The following WNT6 variants were observed in gnomAD, a reference collection of about 807,000 sequenced individuals.
The protein encoded by WNT6 is protein Wnt-6.
A neutral mutation model predicts 33.1 loss-of-function variants in WNT6; 27 were observed. The ratio of observed to expected loss-of-function variants is 0.82; its 90% CI spans 0.60 to 1.12. The LOEUF is 1.12. WNT6 is among the 50% of genes most tolerant of loss of function. WNT6 has a pLI of 0.00. For synonymous variants in WNT6, 249 were observed against 242.8 expected (o/e 1.03, Z -0.24); for missense variants, 494 against 535.3 (o/e 0.92, Z 0.76).
At chr2:218,864,653 C>G (rs1307364962) in intron 1 of WNT6, among the ~76,000 whole-genome samples, 1 of 152,174 alleles carries the variant, frequency 6.6e-6, no homozygotes, top group East Asian at 1.9e-4. Flanking sequence ...TTCCCCCATC[C>G]CATCTTGTCT....
chr2:218,873,422 C>A lies in WNT6; in HGVS notation c.675C>A (p.His225Gln). Reference sequence around the variant, plus strand: ...ACACGCGCACCGAGTGCAAATGCCACGGGCTGTCGGGATCATGCGCGCTGC... The same window carrying A: ...ACACGCGCACCGAGTGCAAATGCCAAGGGCTGTCGGGATCATGCGCGCTGC... ...RSHTRTECKCHGLSGSCALRT... is the reference protein window; with the variant it reads ...RSHTRTECKCQGLSGSCALRT... Residue 225 changes from histidine to glutamine, a missense_variant, in exon 4 of 4, where the codon CAC becomes CAA. Coordinates refer to ENST00000233948, the MANE Select transcript of WNT6 (RefSeq NM_006522.4). This position sits in a 1 kb window ranked among gnomAD's most constrained non-coding sequence, Gnocchi z 6.1. 4 of 1,537,618 alleles carry A rather than the reference C, an allele frequency of 2.6e-6. No individual in the cohort carries two copies. The highest frequency in any genetic ancestry group is 3.5e-6 in the Non-Finnish European group (4 of 1,146,598).
rs749048266 is a variant in WNT6, at chr2:218,871,827, C to T, written c.636+8C>T. ...AACGAGGCGGGCAGGCTGGTGCGTA[C>T]GGGCAGGATGGAGTGAGTGTGTGCG... On this transcript the variant is annotated splice_region_variant and intron_variant, in intron 3 of 3. Coordinates refer to ENST00000233948, the MANE Select transcript of WNT6 (RefSeq NM_006522.4). The surrounding 1 kb of genome is among the most constrained non-coding windows in gnomAD (Gnocchi z 6.4). 3.8e-6 allele frequency: 6 copies of T among 1,574,836 alleles called. No homozygotes were observed. The highest frequency in any genetic ancestry group is 3.4e-5 in the South Asian group (3 of 87,110).
chr2:218,860,065 G>A lies in WNT6; in HGVS notation c.28G>A (p.Gly10Arg). MLPPLPSRLGLLLLLLLCPA... is the reference protein window; with the variant it reads MLPPLPSRLRLLLLLLLCPA... ...GCTGCCGCCCTTACCCTCCCGCCTC[G>A]GGCTGCTGCTGCTGCTGCTCCTGTG... The change falls in exon 1 of 4, where the codon GGG (glycine) becomes AGG (arginine). Residue 10 changes from glycine to arginine, a missense_variant. Transcript: ENST00000233948. 1 of 1,522,032 alleles carries A rather than the reference G, an allele frequency of 6.6e-7. No homozygotes were observed. The highest frequency in any genetic ancestry group is 8.8e-7 in the Non-Finnish European group (1 of 1,140,234). 94.3% of individuals were successfully genotyped at this position (1,522,032 alleles called of 1,614,324 possible). A position where few individuals can be genotyped will look rare whatever the true frequency, so the allele number is the denominator to read the frequency against.
chr2:218,871,160 G>C lies in WNT6; in HGVS notation c.214G>C (p.Gly72Arg). The change falls in exon 2 of 4, where the codon GGG (glycine) becomes CGG (arginine). Residue 72 changes from glycine to arginine, a missense_variant. Coordinates refer to ENST00000233948, the MANE Select transcript of WNT6 (RefSeq NM_006522.4). The surrounding 1 kb of genome is among the most constrained non-coding windows in gnomAD (Gnocchi z 6.4). ...AGAGCTAGCTCGGGGCGCCCGGCTC[G>C]GGGTGCGAGAGTGCCAGTTCCAGTT... ...VAELARGARLGVRECQFQFRF... is the reference protein window; with the variant it reads ...VAELARGARLRVRECQFQFRF... 1 of 1,613,748 alleles carries C rather than the reference G, an allele frequency of 6.2e-7. No individual in the cohort carries two copies. Among genetic ancestry groups the C allele is most frequent in the Non-Finnish European group, 8.5e-7 (1 of 1,179,946 alleles).
intron 1 of WNT6, among the ~76,000 whole-genome samples, chr2:218,866,545 G>A (rs543320764): frequency 2.6e-5 from 4 of 152,192 alleles, no homozygotes; most frequent in Non-Finnish European, 5.9e-5. Flanking sequence ...TAAGGGTGTG[G>A]TGGGAAGACA....
At chr2:218,861,735 C>A (rs899424048) in intron 1 of WNT6, among the ~76,000 whole-genome samples, 31 of 152,184 alleles carry the variant, frequency 2.0e-4, no homozygotes, top group African/African-American at 7.2e-4. Context: ...CTCCCTCCCC[C>A]TCTGTCTAAA....
chr2:218,862,996 T>C (rs1469237328), intron 1 of WNT6, among the ~76,000 whole-genome samples: 1 of 152,234 alleles, frequency 6.6e-6, no homozygotes, highest in Non-Finnish European at 1.5e-5. Context: ...TGAGCCATTG[T>C]GCCTGGTCAC....
At chr2:218,870,882 A>G (rs1328497682) in intron 1 of WNT6, 145 bp from the exon 2 acceptor site, 3 of 699,392 alleles carry the variant, frequency 4.3e-6, no homozygotes, top group African/African-American at 3.6e-5. Flanking sequence ...AGAGCCAGAC[A>G]GGACAATCTC....
chr2:218,867,272 C>T lies in WNT6; in HGVS notation c.81-3755C>T, dbSNP rs1219328413. 2.0e-4 allele frequency among the ~76,000 whole-genome samples: 30 copies of T among 152,122 alleles called. No individual in the cohort carries two copies. The highest frequency in any genetic ancestry group is 1.9e-3 in the Admixed American group (29 of 15,280). ...CCCTCCACCAGTGGCCAGAGTCAGTCGCCTCCTGTCTTGCTCATCTGCATA... is the reference window on the plus strand; with the variant it reads ...CCCTCCACCAGTGGCCAGAGTCAGTTGCCTCCTGTCTTGCTCATCTGCATA... On this transcript the variant is annotated intron_variant, in intron 1 of 3. Transcript: ENST00000233948. The surrounding 1 kb of genome is among the most constrained non-coding windows in gnomAD (Gnocchi z 4.9).
In WNT6 at chr2:218,860,036, C is replaced by A; in HGVS notation, c.-2C>A. 1 of 1,491,678 alleles carries A rather than the reference C, an allele frequency of 6.7e-7. No individual in the cohort carries two copies. Among genetic ancestry groups the A allele is most frequent in the Non-Finnish European group, 8.9e-7 (1 of 1,125,866 alleles). The allele number at this position is 1,491,678 out of a possible 1,614,324, so 92.4% of individuals were successfully genotyped here. ...CACCCGGGCGGCCGTAGGGCGGTCA[C>A]GATGCTGCCGCCCTTACCCTCCCGC... On this transcript the variant is annotated 5_prime_UTR_variant, in exon 1 of 4. Transcript: ENST00000233948.
intron 1 of WNT6, among the ~76,000 whole-genome samples, chr2:218,870,560 C>A (rs551116328): frequency 3.3e-5 from 5 of 152,362 alleles, no homozygotes; most frequent in African/African-American, 1.2e-4. Context: ...ACATATCCAG[C>A]TTGTGGTCCA....
At chr2:218,860,226 C>G (rs1232582543) in intron 1 of WNT6, 109 bp downstream of exon 1, 4 of 1,094,492 alleles carry the variant, frequency 3.7e-6, no homozygotes, top group African/African-American at 3.3e-5. Flanking sequence ...GCTCTCCGAG[C>G]CCAGCTTTCT....
chr2:218,869,730 T>G (rs1016850271), intron 1 of WNT6, among the ~76,000 whole-genome samples: 1 of 152,164 alleles, frequency 6.6e-6, no homozygotes. Context: ...GAATTAACCT[T>G]CAGGGGTCTG....
chr2:218,869,251 T>C (rs12053317), intron 1 of WNT6, among the ~76,000 whole-genome samples: 54,642 of 151,800 alleles, frequency 0.36, 15,292 homozygotes, highest in African/African-American at 0.78. Flanking sequence ...AGAATGCACG[T>C]GCACACACAC....
chr2:218,871,461 G>C lies in WNT6; in HGVS notation c.302-24G>C. ...CCAGCTGACCGCCCCAGCCCGCGCTGATTGCACCTGTCTGCATTCACAGAC... is the reference window on the plus strand; with the variant it reads ...CCAGCTGACCGCCCCAGCCCGCGCTCATTGCACCTGTCTGCATTCACAGAC... On this transcript the variant is annotated intron_variant, in intron 2 of 3. Coordinates refer to ENST00000233948, the MANE Select transcript of WNT6 (RefSeq NM_006522.4). This position sits in a 1 kb window ranked among gnomAD's most constrained non-coding sequence, Gnocchi z 6.4. 1.3e-6 allele frequency: 2 copies of C among 1,593,546 alleles called. No homozygotes were observed. The highest frequency in any genetic ancestry group is 2.2e-5 in the East Asian group (1 of 44,784).
In WNT6 at chr2:218,873,642, C is replaced by A. The variant is rs1317873348; in HGVS notation, c.895C>A (p.Arg299Ser). 1 of 1,581,520 alleles carries A rather than the reference C, an allele frequency of 6.3e-7. No homozygotes were observed. The highest frequency in any genetic ancestry group is 1.7e-4 in the Middle Eastern group (1 of 6,028). ...GCCCGACTTCTGCGCCCCCAACCGA[C>A]GCACCGGCTCCCCCGGCACGCGCGG... ...DSPDFCAPNR[R>S]TGSPGTRGRA... The change falls in exon 4 of 4, where the codon CGC (arginine) becomes AGC (serine). Residue 299 changes from arginine (R) to serine (S), a missense_variant. By Grantham distance (110) the Arg-to-Ser change is moderately radical. Transcript: ENST00000233948. This position sits in a 1 kb window ranked among gnomAD's most constrained non-coding sequence, Gnocchi z 6.1.
chr2:218,867,417 A>G lies in WNT6; in HGVS notation c.81-3610A>G, dbSNP rs1283427353. ...CCTAGGACATCCAGGGCTTAGGTCT[A>G]CACATATTGCCAATAGGGACTGGCT... On this transcript the variant is annotated intron_variant, in intron 1 of 3. Coordinates refer to ENST00000233948, the MANE Select transcript of WNT6 (RefSeq NM_006522.4). This position sits in a 1 kb window ranked among gnomAD's most constrained non-coding sequence, Gnocchi z 4.9. 6.6e-6 allele frequency among the ~76,000 whole-genome samples: 1 copy of G among 152,192 alleles called. No homozygotes were observed. Among genetic ancestry groups the G allele is most frequent in the East Asian group, 1.9e-4 (1 of 5,200 alleles).
intron 1 of WNT6, among the ~76,000 whole-genome samples, chr2:218,864,395 G>GA: frequency 6.6e-6 from 1 of 152,034 alleles, no homozygotes; most frequent in East Asian, 1.9e-4. Context: ...GATTAGCCGG[G>GA]ATTACAGGTG....
chr2:218,873,863 A>G lies in WNT6; in HGVS notation c.*18A>G. On this transcript the variant is annotated 3_prime_UTR_variant, in exon 4 of 4. Coordinates refer to ENST00000233948, the MANE Select transcript of WNT6 (RefSeq NM_006522.4). The surrounding 1 kb of genome is among the most constrained non-coding windows in gnomAD (Gnocchi z 6.1). ...GCCTGTGACCCGCCGCCCGGCCGCT[A>G]GACTGACTTCGCGCAGCGGTGGCTC... 6.9e-7 allele frequency: 1 copy of G among 1,442,394 alleles called. No individual in the cohort carries two copies. The highest frequency in any genetic ancestry group is 9.1e-7 in the Non-Finnish European group (1 of 1,103,180). The allele number at this position is 1,442,394 out of a possible 1,614,324, so 89.3% of individuals were successfully genotyped here.
Sources: allele counts gnomAD v4.1 joint callset (sites outside exome capture counted in the v4.1 genomes callset), GRCh38; gene constraint gnomAD v4.1.1; non-coding constraint Gnocchi (gnomAD v3.1); transcripts MANE v1.5; gene names NCBI Gene and HGNC (gene_info 2026-07-23, HGNC 2026-07-21).